The following CACNA1C variants were observed in gnomAD, a reference collection of about 807,000 sequenced individuals.
CACNA1C encodes the protein voltage-dependent L-type calcium channel subunit alpha-1C.
A neutral mutation model predicts 229.0 loss-of-function variants in CACNA1C; 30 were observed. The ratio of observed to expected loss-of-function variants is 0.13; its 90% confidence interval spans 0.10 to 0.18. The LOEUF (loss-of-function observed/expected upper bound fraction) is 0.18, where lower values mean the gene tolerates loss of function less well. Among genes scored for constraint, CACNA1C ranks in the 10% least tolerant of loss-of-function variants. The pLI is 1.00. For synonymous variants in CACNA1C, 1,114 were observed against 1,132.5 expected (o/e 0.98, Z 0.33); for missense variants, 1,658 against 2,845.0 (o/e 0.58, Z 9.49).
chr12:2,290,444 G>A (rs1291510714), intron 3 of CACNA1C, among the ~76,000 whole-genome samples: 2 of 152,218 alleles, frequency 1.3e-5, no homozygotes, highest in Admixed American at 6.5e-5. Context: ...GAGCAGATAT[G>A]TTGGAGGATA....
At chr12:2,352,320 A>G (rs1201004524) in intron 3 of CACNA1C, among the ~76,000 whole-genome samples, 2 of 152,238 alleles carry the variant, frequency 1.3e-5, no homozygotes, top group South Asian at 2.1e-4. Flanking sequence ...CTCAATTGAC[A>G]GGCCCTCTGA....
intron 1 of CACNA1C, among the ~76,000 whole-genome samples, chr12:2,015,414 G>T (rs2045189145): frequency 6.6e-6 from 1 of 152,196 alleles, no homozygotes; most frequent in Non-Finnish European, 1.5e-5. Context: ...TCCCCTGTTT[G>T]CCAGGGCCTA....
At chr12:2,270,083 C>T (rs913442420) in intron 3 of CACNA1C, 17 of 152,242 alleles carry the variant, frequency 1.1e-4, no homozygotes, top group African/African-American at 4.1e-4. Flanking sequence ...ATGCACCAAG[C>T]TTCCAGGGCA....
chr12:2,352,095 T>C (rs962509300), intron 3 of CACNA1C, among the ~76,000 whole-genome samples: 13 of 152,184 alleles, frequency 8.5e-5, no homozygotes, highest in African/African-American at 3.1e-4. Context: ...AAAATTCCCT[T>C]TCTCTGTTTC....
At chr12:2,523,688 A>G (rs2099813918) in intron 9 of CACNA1C, among the ~76,000 whole-genome samples, 2 of 152,218 alleles carry the variant, frequency 1.3e-5, no homozygotes, top group South Asian at 4.1e-4. Context: ...GGCCTTGCCC[A>G]GAGTAGGCAC....
chr12:2,527,626 C>G (rs1280172563), intron 9 of CACNA1C, among the ~76,000 whole-genome samples: 1 of 152,316 alleles, frequency 6.6e-6, no homozygotes, highest in South Asian at 2.1e-4. Context: ...AAATTAAGGA[C>G]TCCTTTCTTG....
At chr12:2,545,212 A>ATTTTTTTT (rs56971243) in intron 9 of CACNA1C, among the ~76,000 whole-genome samples, 1 of 131,642 alleles carries the variant, frequency 7.6e-6, no homozygotes, top group Non-Finnish European at 1.6e-5. Flanking sequence ...CAAAACAATG[A>ATTTTTTTT]TTTTTTTTTT....
intron 1 of CACNA1C, among the ~76,000 whole-genome samples, chr12:1,982,258 T>G (rs887463385): frequency 2.0e-5 from 3 of 152,188 alleles, no homozygotes; most frequent in African/African-American, 7.2e-5. Context: ...GTTTAAAATA[T>G]GCAGTTCAGT....
At position 2,632,998 on chromosome 12, in the gene CACNA1C, C is replaced by T. The variant is rs2091202208; in HGVS notation, c.3829-1299C>T. ...AACTAGGGTACCCTGATTTGATCTGCAAGAGTTGCACTTATTATGGATCTT... is the reference window on the plus strand; with the variant it reads ...AACTAGGGTACCCTGATTTGATCTGTAAGAGTTGCACTTATTATGGATCTT... On this transcript the variant is annotated intron_variant, in intron 29 of 46. Transcript: ENST00000399655. The surrounding 1 kb of genome is among the most constrained non-coding windows in gnomAD (Gnocchi z 4.1). 6.6e-6 allele frequency among the ~76,000 whole-genome samples: 1 copy of T among 152,180 alleles called. No individual in the cohort carries two copies. Among genetic ancestry groups the T allele is most frequent in the Non-Finnish European group, 1.5e-5 (1 of 68,026 alleles).
chr12:2,657,844 A>G (rs2095501617), intron 34 of CACNA1C, among the ~76,000 whole-genome samples: 1 of 152,186 alleles, frequency 6.6e-6, no homozygotes, highest in Non-Finnish European at 1.5e-5. Context: ...AAGAAATAGA[A>G]TTCCAGGTGA....
At chr12:2,144,089 AC>A (rs1376742834) in intron 3 of CACNA1C, among the ~76,000 whole-genome samples, 1 of 151,456 alleles carries the variant, frequency 6.6e-6, no homozygotes, top group Non-Finnish European at 1.5e-5. Context: ...CCACGTGGGC[AC>A]ACAGGAGGAC....
At chr12:2,641,485 G>A (rs1007919715) in intron 30 of CACNA1C, 83 of 564,044 alleles carry the variant, frequency 1.5e-4, no homozygotes, top group Non-Finnish European at 6.3e-5. Flanking sequence ...GTGGGGCAGA[G>A]GTTATCCTTG....
intron 45 of CACNA1C, among the ~76,000 whole-genome samples, chr12:2,687,122 T>G (rs987022434): frequency 4.6e-5 from 7 of 152,212 alleles, no homozygotes; most frequent in Non-Finnish European, 8.8e-5. Context: ...TGTGGTGTTG[T>G]CTTCCACTGG....
At chr12:2,497,443 C>A (rs565115660) in intron 7 of CACNA1C, among the ~76,000 whole-genome samples, 1 of 152,192 alleles carries the variant, frequency 6.6e-6, no homozygotes, top group Non-Finnish European at 1.5e-5. Flanking sequence ...AGCAGCTAGA[C>A]TAGGCATCAC....
At chr12:2,456,108 G>A (rs753632359) in intron 4 of CACNA1C, among the ~76,000 whole-genome samples, 1 of 152,186 alleles carries the variant, frequency 6.6e-6, no homozygotes, top group Non-Finnish European at 1.5e-5. Context: ...AACGCTTAAT[G>A]TCCATTCCGC....
At chr12:2,371,684 A>G (rs2097866318) in intron 3 of CACNA1C, among the ~76,000 whole-genome samples, 1 of 136,154 alleles carries the variant, frequency 7.3e-6, no homozygotes, top group Admixed American at 7.3e-5. Flanking sequence ...GAAAAAAAAT[A>G]TGGCACACAG....
chr12:2,561,033 G>A (rs1032349942), intron 11 of CACNA1C, among the ~76,000 whole-genome samples: 3 of 152,064 alleles, frequency 2.0e-5, no homozygotes, highest in Non-Finnish European at 4.4e-5. Flanking sequence ...CAAGAGCTCC[G>A]GGAATCTTCA....
At chr12:2,321,232 G>A (rs1054823693) in intron 3 of CACNA1C, among the ~76,000 whole-genome samples, 8 of 151,796 alleles carry the variant, frequency 5.3e-5, no homozygotes, top group East Asian at 1.9e-4. Flanking sequence ...GGGGGGTGGG[G>A]GAAGAGCAGG....
chr12:2,643,492 C>G (rs2093980207), intron 30 of CACNA1C, among the ~76,000 whole-genome samples: 1 of 152,234 alleles, frequency 6.6e-6, no homozygotes, highest in Non-Finnish European at 1.5e-5. Context: ...CAGCTTCTGT[C>G]TATCCCAGCT....
Sources: gnomAD v4.1 joint callset for allele counts (sites outside exome capture counted in the v4.1 genomes callset) on GRCh38, gnomAD v4.1.1 for gene constraint, Gnocchi (gnomAD v3.1) non-coding constraint, MANE v1.5 for transcripts, NCBI Gene and HGNC (gene_info 2026-07-23, HGNC 2026-07-21) for gene names.